SPPL2A: variants seen among roughly 807,000 people sequenced by gnomAD.
The protein encoded by SPPL2A is signal peptide peptidase-like 2A.
A neutral mutation model predicts 63.8 loss-of-function variants in SPPL2A; 51 were observed. That is an observed-to-expected ratio of 0.80 (90% CI 0.64 to 1.01). The LOEUF is 1.01. SPPL2A is among the 50% of genes least tolerant of loss of function. The pLI is 0.00. For missense variants in SPPL2A, 553 were observed against 622.7 expected (o/e 0.89, Z 1.19); for synonymous variants, 188 against 205.8 (o/e 0.91, Z 0.74).
intron 1 of SPPL2A, among the ~76,000 whole-genome samples, chr15:50,753,805 C>CT (rs992247525): frequency 4.0e-5 from 6 of 150,888 alleles, no homozygotes; most frequent in Admixed American, 1.3e-4. Flanking sequence ...CTCTTTTTTT[C>CT]TTTTTTTTTG....
chr15:50,732,350 T>A (rs2062737725), intron 9 of SPPL2A, among the ~76,000 whole-genome samples: 1 of 152,020 alleles, frequency 6.6e-6, no homozygotes, highest in Non-Finnish European at 1.5e-5. Flanking sequence ...AAACAATAGT[T>A]TAGCTAGCAA....
intron 8 of SPPL2A, 144 bp from the exon 9 acceptor site, chr15:50,732,828 ACCCAGGCTGGAG>A: frequency 1.7e-6 from 1 of 592,074 alleles, no homozygotes; most frequent in Admixed American, 3.1e-5. Flanking sequence ...TCACTCTGTC[ACCCAGGCTGGAG>A]TGCAGTGGCA....
chr15:50,765,269 G>C (rs1382343393), intron 1 of SPPL2A, among the ~76,000 whole-genome samples, 199 bp downstream of exon 1: 1 of 151,810 alleles, frequency 6.6e-6, no homozygotes, highest in Non-Finnish European at 1.5e-5. Flanking sequence ...AAAGTTGGGG[G>C]AAAGAGGGTG....
intron 1 of SPPL2A, among the ~76,000 whole-genome samples, chr15:50,762,843 C>A (rs1329518349): frequency 6.6e-6 from 1 of 151,112 alleles, no homozygotes; most frequent in Non-Finnish European, 1.5e-5. Context: ...AGCAATTCTT[C>A]CGCCTCAGCC....
intron 1 of SPPL2A, among the ~76,000 whole-genome samples, chr15:50,763,893 G>A (rs1263082389): frequency 3.3e-5 from 5 of 151,872 alleles, no homozygotes; most frequent in African/African-American, 7.3e-5. Context: ...GTGAGACTCC[G>A]TCTCGAAAAA....
chr15:50,711,295 C>T (rs1482610270), intron 14 of SPPL2A, among the ~76,000 whole-genome samples: 1 of 151,074 alleles, frequency 6.6e-6, no homozygotes, highest in South Asian at 2.1e-4. Flanking sequence ...CTGCAACCTC[C>T]GCCTCCCGGG....
At chr15:50,722,029 T>G in intron 13 of SPPL2A, 95 bp downstream of exon 13, 1 of 704,822 alleles carries the variant, frequency 1.4e-6, no homozygotes. Flanking sequence ...TGAACCACCA[T>G]GCCCAAACTG....
At position 50,702,831 on chromosome 15, in the gene SPPL2A, A is replaced by G. The variant is rs1038350143; in HGVS notation, c.*4969T>C. On this transcript the variant is annotated 3_prime_UTR_variant, in exon 15 of 15. Transcript: ENST00000261854. The stretch of plus-strand genomic sequence containing the variant: ...TTTTTATATGCAGAGGCTGTCCTCA[A>G]TATGGAAAGATTAAACGAGGACATT... The G allele has an allele frequency of 6.6e-6, 1 of 152,210 alleles. No homozygotes were observed. Among genetic ancestry groups the G allele is most frequent in the Non-Finnish European group, 1.5e-5 (1 of 68,038 alleles). The allele number at this position is 152,210 out of a possible 1,614,324, so 9.4% of individuals were successfully genotyped here. A position where few individuals can be genotyped will look rare whatever the true frequency, so the allele number is the denominator to read the frequency against.
intron 1 of SPPL2A, 21 bp downstream of exon 1, chr15:50,765,447 C>T: frequency 1.3e-6 from 2 of 1,497,888 alleles, no homozygotes; most frequent in Non-Finnish European, 1.8e-6. Flanking sequence ...GGGAGGCCTG[C>T]GCGCCTTCCC....
chr15:50,748,191 T>A lies in SPPL2A; in HGVS notation c.372A>T (p.Ser124=). Residue 124 remains serine, a synonymous_variant, in exon 4 of 15, where the codon TCA becomes TCT. Transcript: ENST00000261854. The part of the protein sequence containing the change: ...VVNNSVLFPP[S]GNRSEFPDVK... Reference sequence around the variant, plus strand: ...CATCAGGAAATTCAGATCTGTTACCTGAGGGAGGAAACTAAAAAAGAAAAA... The same window carrying A: ...CATCAGGAAATTCAGATCTGTTACCAGAGGGAGGAAACTAAAAAAGAAAAA... The A allele has an allele frequency of 6.8e-7, 1 of 1,466,828 alleles. No individual in the cohort carries two copies. Among genetic ancestry groups the A allele is most frequent in the South Asian group, 1.5e-5 (1 of 68,604 alleles). The allele number at this position is 1,466,828 out of a possible 1,614,324, so 90.9% of individuals were successfully genotyped here.
intron 13 of SPPL2A, 132 bp from the exon 14 acceptor site, chr15:50,720,232 T>C (rs774167885): frequency 1.5e-6 from 1 of 649,458 alleles, no homozygotes; most frequent in East Asian, 2.8e-5. Flanking sequence ...TGTAATTTCA[T>C]CATTTTCCTA....
At chr15:50,756,159 G>A (rs1387457766) in intron 1 of SPPL2A, among the ~76,000 whole-genome samples, 6 of 151,670 alleles carry the variant, frequency 4.0e-5, no homozygotes, top group Non-Finnish European at 2.9e-5. Context: ...AGGAGATCAA[G>A]ACCATCCTGG....
rs2062509003 is a variant in SPPL2A at position 50,706,372 on chromosome 15, A to C, written c.*1428T>G. The C allele has an allele frequency of 1.4e-5, 2 of 141,536 alleles. No homozygotes were observed. The highest frequency in any genetic ancestry group is 2.6e-5 in the African/African-American group (1 of 38,182). The allele number at this position is 141,536 out of a possible 1,614,324, so 8.8% of individuals were successfully genotyped here. A position where few individuals can be genotyped will look rare whatever the true frequency, so the allele number is the denominator to read the frequency against. On this transcript the variant is annotated 3_prime_UTR_variant, in exon 15 of 15. Transcript: ENST00000261854. ...GCCACTGCACTCCAGCCTGGGCGACAGAGCGAGACTCCGTCTCAAAAAAAA... is the reference window on the plus strand; with the variant it reads ...GCCACTGCACTCCAGCCTGGGCGACCGAGCGAGACTCCGTCTCAAAAAAAA...
intron 6 of SPPL2A, among the ~76,000 whole-genome samples, chr15:50,738,567 T>G (rs2062793275): frequency 6.7e-6 from 1 of 150,020 alleles, no homozygotes; most frequent in Admixed American, 6.7e-5. Flanking sequence ...AAAAAAAAGC[T>G]GAATGAAACA....
intron 6 of SPPL2A, among the ~76,000 whole-genome samples, chr15:50,738,775 C>T (rs2062794936): frequency 6.6e-6 from 1 of 152,058 alleles, no homozygotes; most frequent in Non-Finnish European, 1.5e-5. Context: ...ATTAATAAGA[C>T]TGTTCAGGAG....
At chr15:50,721,715 C>T (rs2062648437) in intron 13 of SPPL2A, among the ~76,000 whole-genome samples, 1 of 151,724 alleles carries the variant, frequency 6.6e-6, no homozygotes, top group African/African-American at 2.4e-5. Context: ...AGTGATTCTC[C>T]TGCCTCAGCC....
At chr15:50,711,684 G>A (rs1195168807) in intron 14 of SPPL2A, among the ~76,000 whole-genome samples, 1 of 152,050 alleles carries the variant, frequency 6.6e-6, no homozygotes, top group Non-Finnish European at 1.5e-5. Flanking sequence ...AGACTGCCAG[G>A]GGTACCTGGA....
intron 13 of SPPL2A, among the ~76,000 whole-genome samples, chr15:50,721,287 G>C (rs894834478): frequency 1.5e-4 from 23 of 152,232 alleles, no homozygotes; most frequent in African/African-American, 5.5e-4. Context: ...ACTTGCCTTG[G>C]CCTCCCAAAG....
intron 5 of SPPL2A, among the ~76,000 whole-genome samples, chr15:50,745,320 T>C (rs1176528483): frequency 1.3e-5 from 2 of 152,064 alleles, no homozygotes; most frequent in African/African-American, 4.8e-5. Flanking sequence ...CTGTTTGATT[T>C]TCGTACTTTT....
Sources: allele counts gnomAD v4.1 joint callset (sites outside exome capture counted in the v4.1 genomes callset), GRCh38; gene constraint gnomAD v4.1.1; transcripts MANE v1.5; gene names NCBI Gene and HGNC (gene_info 2026-07-23, HGNC 2026-07-21).